Variants in PCDH15 observed in about 807,000 individuals in gnomAD.
PCDH15 encodes protocadherin-15.
A neutral mutation model predicts 178.5 loss-of-function variants in PCDH15; 129 were observed. The ratio of observed to expected loss-of-function variants is 0.72; its 90% CI spans 0.63 to 0.84. The LOEUF (loss-of-function observed/expected upper bound fraction) is 0.84. PCDH15 is among the 40% of genes least tolerant of loss of function. PCDH15 has a pLI of 0.00. For missense variants in PCDH15, 2,230 were observed against 2,099.9 expected (o/e 1.06, Z -1.21); for synonymous variants, 800 against 732.0 (o/e 1.09, Z -1.50).
At position 54,153,063 on chromosome 10, in the gene PCDH15, C is replaced by A. The variant is rs2133335650; in HGVS notation, c.1784+37G>T. 2.5e-6 allele frequency: 4 copies of A among 1,609,514 alleles called. No individual in the cohort carries two copies. In the East Asian group the frequency reaches 8.9e-5, roughly 36 times the overall value. On this transcript the variant is annotated intron_variant, in intron 14 of 37. Transcript: ENST00000644397. ...AATTTAATTACAGGGTTAAACGGGCCCGATGAAAAGACTGCATTGGTTCTA... is the reference window on the plus strand; with the variant it reads ...AATTTAATTACAGGGTTAAACGGGCACGATGAAAAGACTGCATTGGTTCTA...
chr10:55,218,450 T>G (rs1417290918), intron 1 of PCDH15, among the ~76,000 whole-genome samples: 1 of 152,036 alleles, frequency 6.6e-6, no homozygotes, highest in Non-Finnish European at 1.5e-5. Context: ...CACATTATTA[T>G]TTTTTGCCAT....
chr10:55,002,126 T>C (rs1055007657), intron 2 of PCDH15, among the ~76,000 whole-genome samples: 1 of 152,222 alleles, frequency 6.6e-6, no homozygotes, highest in Non-Finnish European at 1.5e-5. Flanking sequence ...AAATGTGTGA[T>C]GATACTCTTT....
rs574280159 is a variant in PCDH15, at chr10:54,248,995, A to C, written c.877-12064T>G. Among the ~76,000 whole-genome samples, 6 of 151,752 alleles carry C rather than the reference A, an allele frequency of 4.0e-5. No individual in the cohort carries two copies. In the South Asian group the frequency reaches 1.2e-3, roughly 31 times the overall value. Reference sequence around the variant, plus strand: ...AAACTTCTATAGGTAAATAGCAAAAATATTTATTGTCTTGGTGATTAAAAA... The same window carrying C: ...AAACTTCTATAGGTAAATAGCAAAACTATTTATTGTCTTGGTGATTAAAAA... On this transcript the variant is annotated intron_variant, in intron 8 of 37. Transcript: ENST00000644397.
At chr10:54,373,117 A>T (rs371749655) in intron 4 of PCDH15, among the ~76,000 whole-genome samples, 124 of 152,044 alleles carry the variant, frequency 8.2e-4, no homozygotes, top group African/African-American at 2.8e-3. Flanking sequence ...TGATATTAGC[A>T]GTTTAGATTA....
At chr10:55,175,507 A>G (rs1839454911) in intron 1 of PCDH15, among the ~76,000 whole-genome samples, 1 of 151,864 alleles carries the variant, frequency 6.6e-6, no homozygotes, top group Non-Finnish European at 1.5e-5. Context: ...TACTAAAAAC[A>G]CAAAAATTTC....
Position 54,757,276 on chromosome 10 carries a change from C to CGT in PCDH15, c.-29+43648_-29+43649insAC, listed in dbSNP as rs375810601. Among the ~76,000 whole-genome samples, 2 of 34,180 alleles carry CGT rather than the reference C, an allele frequency of 5.9e-5. 1 individual carries two copies. The highest frequency in any genetic ancestry group is 1.2e-3 in the East Asian group (2 of 1,738). 22.4% of individuals were successfully genotyped at this position (34,180 alleles called of 152,430 possible). On this transcript the variant is annotated intron_variant, in intron 1 of 37. Transcript: ENST00000644397. ...GTTTTTGGCTTGCTCAGAATTCTACCTTTTTTTTTTTTTTTTTTTTTTTTG... is the reference window on the plus strand; with the variant it reads ...GTTTTTGGCTTGCTCAGAATTCTACCGTTTTTTTTTTTTTTTTTTTTTTTTTG...
At chr10:54,644,313 A>G (rs1324040543) in intron 2 of PCDH15, among the ~76,000 whole-genome samples, 1 of 148,950 alleles carries the variant, frequency 6.7e-6, no homozygotes, top group Non-Finnish European at 1.5e-5. Context: ...TGAAACCCAA[A>G]TGTCCTACAA....
chr10:54,155,707 G>C (rs1288101614), intron 13 of PCDH15, among the ~76,000 whole-genome samples: 1 of 147,964 alleles, frequency 6.8e-6, no homozygotes, highest in Non-Finnish European at 1.5e-5. Flanking sequence ...ATTAGCAGGA[G>C]AATTGCTTGA....
chr10:53,849,240 T>C (rs536582002), intron 28 of PCDH15, among the ~76,000 whole-genome samples: 2 of 152,230 alleles, frequency 1.3e-5, no homozygotes, highest in South Asian at 4.1e-4. Flanking sequence ...TCTATGTTGC[T>C]GAGAAGGCAT....
intron 2 of PCDH15, among the ~76,000 whole-genome samples, chr10:55,466,830 C>A (rs1839841069): frequency 6.6e-6 from 1 of 152,156 alleles, no homozygotes; most frequent in Non-Finnish European, 1.5e-5. Flanking sequence ...CTAGCGTCTC[C>A]CACTATGGGC....
At chr10:54,479,623 T>A (rs2136894829) in intron 3 of PCDH15, among the ~76,000 whole-genome samples, 1 of 152,088 alleles carries the variant, frequency 6.6e-6, no homozygotes, top group South Asian at 2.1e-4. Context: ...AAAACTATGT[T>A]TTTTGGTGAA....
chr10:54,854,238 G>T (rs1196996752), intron 3 of PCDH15, among the ~76,000 whole-genome samples: 1 of 152,150 alleles, frequency 6.6e-6, no homozygotes, highest in African/African-American at 2.4e-5. Context: ...GCTTAGAGAT[G>T]CCAGAAACTC....
chr10:54,595,894 A>C (rs2092208889), intron 2 of PCDH15, among the ~76,000 whole-genome samples: 1 of 152,184 alleles, frequency 6.6e-6, no homozygotes, highest in Admixed American at 6.5e-5. Context: ...TTTCTTAAAT[A>C]AGATGGTCAG....
intron 1 of PCDH15, among the ~76,000 whole-genome samples, chr10:54,678,136 A>T (rs1199962863): frequency 6.6e-6 from 1 of 152,234 alleles, no homozygotes; most frequent in East Asian, 1.9e-4. Context: ...GTTACTTTAC[A>T]AAGTAACATA....
At chr10:53,990,360 A>C (rs1259962388) in intron 21 of PCDH15, among the ~76,000 whole-genome samples, 1 of 151,932 alleles carries the variant, frequency 6.6e-6, no homozygotes, top group Admixed American at 6.6e-5. Context: ...TATAGTGAGA[A>C]TACTAAGTAT....
intron 2 of PCDH15, among the ~76,000 whole-genome samples, chr10:54,961,690 G>A (rs888804619): frequency 6.6e-6 from 1 of 152,140 alleles, no homozygotes; most frequent in African/African-American, 2.4e-5. Context: ...ACAACTGCCT[G>A]CAGTTAGAAG....
chr10:55,177,929 A>T (rs565620876), intron 1 of PCDH15, among the ~76,000 whole-genome samples: 2 of 152,262 alleles, frequency 1.3e-5, no homozygotes, highest in African/African-American at 4.8e-5. Flanking sequence ...CCTGAATGAC[A>T]CTATTGAGAG....
chr10:54,072,939 T>C (rs1322869270), intron 17 of PCDH15, among the ~76,000 whole-genome samples: 3 of 152,168 alleles, frequency 2.0e-5, no homozygotes, highest in African/African-American at 7.2e-5. Flanking sequence ...TTATATTGTC[T>C]TAAACAGATA....
At chr10:55,203,096 C>T (rs142449133) in intron 1 of PCDH15, among the ~76,000 whole-genome samples, 13 of 152,076 alleles carry the variant, frequency 8.5e-5, no homozygotes, top group South Asian at 4.1e-4. Flanking sequence ...GAGATACCAG[C>T]GCCAGCATGC....
Sources: allele counts gnomAD v4.1 joint callset (sites outside exome capture counted in the v4.1 genomes callset), GRCh38; gene constraint gnomAD v4.1.1; transcripts MANE v1.5; gene names NCBI Gene and HGNC (gene_info 2026-07-23, HGNC 2026-07-21).